The following MAGI2 variants were observed in gnomAD, a reference collection of about 807,000 sequenced individuals.
MAGI2 encodes membrane associated guanylate kinase, WW and PDZ domain containing 2.
Under a neutral mutation model 133.3 loss-of-function variants are expected in MAGI2, and 35 were observed. The observed-to-expected ratio is 0.26, with a 90% CI of 0.20 to 0.35. MAGI2 has a LOEUF of 0.35. MAGI2 is among the 10% of genes least tolerant of loss of function. The pLI, the probability that MAGI2 is intolerant of heterozygous loss-of-function variation, is 1.00. For missense variants in MAGI2, 1,636 were observed against 1,863.4 expected, an observed-to-expected ratio of 0.88 and a Z score of 2.25; for synonymous variants, 729 against 710.6, an observed-to-expected ratio of 1.03 and a Z score of -0.41.
intron 1 of MAGI2, among the ~76,000 whole-genome samples, chr7:79,104,955 T>A (rs529074099): frequency 3.9e-5 from 6 of 152,220 alleles, no homozygotes; most frequent in Non-Finnish European, 8.8e-5. Context: ...GTCTTTTAAA[T>A]CCTTGAAGGA....
chr7:78,705,243 T>A (rs1319286858), intron 2 of MAGI2, among the ~76,000 whole-genome samples: 5 of 152,026 alleles, frequency 3.3e-5, no homozygotes. Context: ...GTGAGTGAGT[T>A]CTCACAAGAT....
Position 78,427,544 on chromosome 7 carries a change from C to T in MAGI2, c.1046-58331G>A, listed in dbSNP as rs1799396656. Among the ~76,000 whole-genome samples the T allele has an allele frequency of 2.0e-5, 3 of 151,204 alleles. 1 individual carries two copies. In the South Asian group the frequency reaches 6.3e-4, roughly 32 times the overall value. On this transcript the variant is annotated intron_variant, in intron 6 of 21. Transcript: ENST00000354212. ...ATCACAATTATGCATTTGTATATGC[C>T]TTATATCATGACTGCATGACCCAAA...
At chr7:79,002,852 T>C (rs1404560738) in intron 2 of MAGI2, among the ~76,000 whole-genome samples, 1 of 147,718 alleles carries the variant, frequency 6.8e-6, no homozygotes, top group Admixed American at 6.9e-5. Context: ...ATGTGGCTTT[T>C]ATTGAAAAGT....
chr7:78,048,879 C>A lies in MAGI2; in HGVS notation c.3707-28903G>T, dbSNP rs149461547. Among the ~76,000 whole-genome samples, 612 of 152,128 alleles carry A rather than the reference C, an allele frequency of 4.0e-3. 4 individuals carry two copies. Among genetic ancestry groups the A allele is most frequent in the African/African-American group, 0.014 (574 of 41,488 alleles). On this transcript the variant is annotated intron_variant, in intron 21 of 21. Coordinates refer to ENST00000354212, the MANE Select transcript of MAGI2 (RefSeq NM_012301.4). ...ATCCCAGCACTTTGGGAGGCTGAGG[C>A]GGGTGGATCACAAGGACAGGAGATC...
intron 1 of MAGI2, among the ~76,000 whole-genome samples, chr7:79,152,084 A>T (rs1021422416): frequency 1.3e-5 from 2 of 152,186 alleles, no homozygotes; most frequent in Non-Finnish European, 2.9e-5. Flanking sequence ...AATGGAAATA[A>T]TGTGTGGTTT....
rs762901933 is a variant in MAGI2 at position 78,185,676 on chromosome 7, T to C, written c.2270-6A>G. ...GGTCCTGGGTGGCACTTGTTCTGGA[T>C]GGGAAAATGGGGAATTAAAGTTGAA... On this transcript the variant is annotated splice_region_variant and splice_polypyrimidine_tract_variant and intron_variant, in intron 12 of 21. Transcript: ENST00000354212. 4 of 1,565,804 alleles carry C rather than the reference T, an allele frequency of 2.6e-6. No homozygotes were observed. Among genetic ancestry groups the C allele is most frequent in the Admixed American group, 1.7e-5 (1 of 57,944 alleles).
chr7:79,053,066 G>A (rs575139319), intron 1 of MAGI2, among the ~76,000 whole-genome samples: 4 of 151,948 alleles, frequency 2.6e-5, no homozygotes, highest in Non-Finnish European at 4.4e-5. Context: ...TCTGCCTCCC[G>A]GGTTCACGCC....
In MAGI2 at chr7:78,570,113, T is replaced by G. The variant is rs1801356005; in HGVS notation, c.539-48468A>C. Among the ~76,000 whole-genome samples the G allele has an allele frequency of 1.3e-5, 2 of 152,196 alleles. 1 individual carries two copies. Among genetic ancestry groups the G allele is most frequent in the South Asian group, 4.1e-4 (2 of 4,830 alleles). On this transcript the variant is annotated intron_variant, in intron 3 of 21. Transcript: ENST00000354212. ...GCTATACCCACTCTTGTACACGTCC[T>G]TTGGTGAACAGATATGTACATATTC... is the stretch of plus-strand genomic sequence containing the variant.
chr7:78,401,075 A>G (rs1268950696), intron 6 of MAGI2, among the ~76,000 whole-genome samples: 1 of 152,102 alleles, frequency 6.6e-6, no homozygotes, highest in Non-Finnish European at 1.5e-5. Flanking sequence ...TTGAAAAAAA[A>G]AATAAAATTT....
intron 2 of MAGI2, among the ~76,000 whole-genome samples, chr7:78,769,330 C>T (rs563647805): frequency 6.6e-6 from 1 of 151,976 alleles, no homozygotes; most frequent in Admixed American, 6.6e-5. Context: ...ATGGGTCTTT[C>T]CTTAAAGAAA....
At chr7:78,491,979 A>G (rs890490943) in intron 5 of MAGI2, among the ~76,000 whole-genome samples, 1 of 151,272 alleles carries the variant, frequency 6.6e-6, no homozygotes, top group African/African-American at 2.4e-5. Flanking sequence ...AGGAAAATAC[A>G]TTTCTCTTCC....
At chr7:78,430,863 G>T (rs1329692947) in intron 6 of MAGI2, among the ~76,000 whole-genome samples, 12 of 152,114 alleles carry the variant, frequency 7.9e-5, no homozygotes, top group African/African-American at 2.7e-4. Context: ...AGGATCCCTA[G>T]TTGACTCAAT....
intron 1 of MAGI2, among the ~76,000 whole-genome samples, chr7:79,348,874 C>T (rs1466337233): frequency 6.6e-6 from 1 of 151,888 alleles, no homozygotes; most frequent in Admixed American, 6.6e-5. Flanking sequence ...GCTCTCTTCT[C>T]TTTTAGAAAA....
Position 78,186,935 on chromosome 7 carries a change from T to C in MAGI2, c.2270-1265A>G, listed in dbSNP as rs373702894. ...GAATTTCCTAAACCACACAACTGGG[T>C]TTAATAAGAGATGGGCAGAAGACAC... On this transcript the variant is annotated intron_variant, in intron 12 of 21. Coordinates refer to ENST00000354212, the MANE Select transcript of MAGI2 (RefSeq NM_012301.4). Among the ~76,000 whole-genome samples, 5 of 152,050 alleles carry C rather than the reference T, an allele frequency of 3.3e-5. No individual in the cohort carries two copies. In the East Asian group the frequency reaches 9.6e-4, roughly 29 times the overall value.
intron 1 of MAGI2, among the ~76,000 whole-genome samples, chr7:79,228,116 G>A (rs144560053): frequency 2.0e-3 from 308 of 151,908 alleles, no homozygotes; most frequent in African/African-American, 7.1e-3. Context: ...ATGGTTAGGT[G>A]GGAGATCACT....
intron 1 of MAGI2, among the ~76,000 whole-genome samples, chr7:79,179,368 T>G (rs143422720): frequency 0.017 from 2,582 of 152,002 alleles, 52 homozygotes; most frequent in Non-Finnish European, 0.021. Flanking sequence ...AATCAACAGA[T>G]TCAATGAAAT....
intron 1 of MAGI2, chr7:79,410,678 C>T (rs1021791803): frequency 3.3e-5 from 5 of 152,006 alleles, no homozygotes; most frequent in African/African-American, 1.2e-4. Context: ...CCTCATATGC[C>T]CACTCAAATA....
At position 78,492,431 on chromosome 7, in the gene MAGI2, G is replaced by C. The variant is rs903700679; in HGVS notation, c.966-2591C>G. On this transcript the variant is annotated intron_variant, in intron 5 of 21. Coordinates refer to ENST00000354212, the MANE Select transcript of MAGI2 (RefSeq NM_012301.4). ...AGATCCAGCACAGTATTTTTCAATA[G>C]TGGTTCTCACCAGCCTTGTAATTTG... is the stretch of plus-strand genomic sequence containing the variant. Among the ~76,000 whole-genome samples the C allele has an allele frequency of 2.2e-4, 33 of 152,072 alleles. 1 individual carries two copies. The highest frequency in any genetic ancestry group is 6.0e-4 in the African/African-American group (25 of 41,420).
intron 1 of MAGI2, among the ~76,000 whole-genome samples, chr7:79,162,149 T>G (rs1047909445): frequency 1.3e-5 from 2 of 152,100 alleles, no homozygotes; most frequent in South Asian, 4.1e-4. Flanking sequence ...GATCACAGAT[T>G]GAATAATTAT....
Sources: gnomAD v4.1 joint callset for allele counts (sites outside exome capture counted in the v4.1 genomes callset) on GRCh38, gnomAD v4.1.1 for gene constraint, MANE v1.5 for transcripts, NCBI Gene and HGNC (gene_info 2026-07-23, HGNC 2026-07-21) for gene names.